NETO1: variants seen among roughly 807,000 people sequenced by gnomAD.
The protein encoded by NETO1 is neuropilin and tolloid-like protein 1.
A neutral mutation model predicts 61.3 loss-of-function variants in NETO1; 26 were observed. That is an observed-to-expected ratio of 0.42 (90% CI 0.31 to 0.59). NETO1 has a LOEUF of 0.59. Ranked by LOEUF, NETO1 falls within the 20% of genes least tolerant of loss-of-function variation. The pLI, the probability that NETO1 is intolerant of heterozygous loss-of-function variation, is 0.12. For synonymous variants in NETO1, 225 were observed against 225.8 expected, an observed-to-expected ratio of 1.00 and a Z score of 0.03; for missense variants, 531 against 662.8, an observed-to-expected ratio of 0.80 and a Z score of 2.18.
In NETO1 at chr18:72,744,434, T is replaced by G. The variant is rs2070389608; in HGVS notation, c.*3745A>C. On this transcript the variant is annotated 3_prime_UTR_variant, in exon 11 of 11. Coordinates refer to ENST00000327305, the MANE Select transcript of NETO1 (RefSeq NM_138966.5). ...TTAAGATGGGCTTGGGAAATATTAA[T>G]TAAGTGCATAGAGATTGATAATTAA... The G allele has an allele frequency of 6.6e-6, 1 of 152,188 alleles. No individual in the cohort carries two copies. Among genetic ancestry groups the G allele is most frequent in the Non-Finnish European group, 1.5e-5 (1 of 68,022 alleles). 9.4% of individuals were successfully genotyped at this position (152,188 alleles called of 1,614,324 possible). A position where few individuals can be genotyped will look rare whatever the true frequency, so the allele number is the denominator to read the frequency against.
intron 4 of NETO1, among the ~76,000 whole-genome samples, chr18:72,807,839 T>C (rs748149398): frequency 3.9e-5 from 6 of 152,120 alleles, no homozygotes; most frequent in Non-Finnish European, 7.4e-5. Context: ...TGTTGTATGT[T>C]GCTGTTGCTG....
intron 4 of NETO1, among the ~76,000 whole-genome samples, chr18:72,824,896 TA>T (rs1416941320): frequency 6.6e-6 from 1 of 151,736 alleles, no homozygotes; most frequent in South Asian, 2.1e-4. Context: ...CAAAAAATAA[TA>T]AAAATTTAAA....
chr18:72,820,472 T>A (rs2145289164), intron 4 of NETO1, among the ~76,000 whole-genome samples: 1 of 152,358 alleles, frequency 6.6e-6, no homozygotes. Context: ...TCCACCCCAT[T>A]CAATCTCCTG....
Position 72,783,830 on chromosome 18 carries a change from C to G in NETO1, c.716G>C (p.Gly239Ala). The G allele has an allele frequency of 2.5e-6, 4 of 1,614,156 alleles. No homozygotes were observed. The highest frequency in any genetic ancestry group is 3.4e-6 in the Non-Finnish European group (4 of 1,180,014). ...TTTCAAATCCTCCACGGAACTGCTT[C>G]CATCATACACAGCCACAAAATTCCT... ...CKRNFVAVYD[G>A]SSSVEDLKAK... The change falls in exon 7 of 11, where the codon GGA becomes GCA. Residue 239 changes from glycine to alanine, a missense_variant. By Grantham distance (60) the Gly-to-Ala change is moderately conservative. Transcript: ENST00000327305.
At chr18:72,805,841 A>ATT (rs945422036) in intron 4 of NETO1, among the ~76,000 whole-genome samples, 1 of 151,476 alleles carries the variant, frequency 6.6e-6, no homozygotes, top group Non-Finnish European at 1.5e-5. Context: ...ATAAAATACA[A>ATT]TTTTTTTTTG....
At chr18:72,819,030 C>T (rs969454546) in intron 4 of NETO1, among the ~76,000 whole-genome samples, 2 of 152,234 alleles carry the variant, frequency 1.3e-5, no homozygotes, top group South Asian at 2.1e-4. Context: ...CTCTATAGAG[C>T]TGTCCTTTAT....
At chr18:72,775,840 T>C (rs2071528773) in intron 7 of NETO1, among the ~76,000 whole-genome samples, 1 of 152,078 alleles carries the variant, frequency 6.6e-6, no homozygotes, top group Non-Finnish European at 1.5e-5. Flanking sequence ...GTCAATTAAC[T>C]TCAATGAACC....
At chr18:72,789,902 C>A (rs937639757) in intron 6 of NETO1, among the ~76,000 whole-genome samples, 2 of 152,166 alleles carry the variant, frequency 1.3e-5, no homozygotes, top group African/African-American at 2.4e-5. Context: ...TGACTGGTAA[C>A]CTTAATCACA....
At chr18:72,777,738 A>G (rs1473064044) in intron 7 of NETO1, among the ~76,000 whole-genome samples, 1 of 152,188 alleles carries the variant, frequency 6.6e-6, no homozygotes, top group Non-Finnish European at 1.5e-5. Context: ...ACGAGACTCC[A>G]TCTCAAATAA....
chr18:72,865,383 G>A, intron 1 of NETO1, 142 bp from the exon 2 acceptor site: 1 of 1,124,656 alleles, frequency 8.9e-7, no homozygotes, highest in Non-Finnish European at 1.3e-6. Context: ...TTCAGAACTT[G>A]CAAAAACCAA....
At position 72,751,076 on chromosome 18, in the gene NETO1, C is replaced by CACACAA. The variant is rs770327024; in HGVS notation, c.983-457_983-456insTTGTGT. On this transcript the variant is annotated intron_variant, in intron 8 of 10. Transcript: ENST00000327305. ...ACACACACACACACACACACACACA[C>CACACAA]AATCTATCTATAAAGTAACAACAAT... 2.5e-3 allele frequency among the ~76,000 whole-genome samples: 380 copies of CACACAA among 151,886 alleles called. 1 individual carries two copies. Among genetic ancestry groups the CACACAA allele is most frequent in the African/African-American group, 7.8e-3 (325 of 41,436 alleles).
chr18:72,749,126 T>C, intron 9 of NETO1, 38 bp from the exon 10 acceptor site: 1 of 1,203,116 alleles, frequency 8.3e-7, no homozygotes, highest in Non-Finnish European at 1.2e-6. Flanking sequence ...CAAAGTACTA[T>C]TTGCACAAAA....
At chr18:72,796,319 A>G (rs939136657) in intron 4 of NETO1, among the ~76,000 whole-genome samples, 1 of 152,140 alleles carries the variant, frequency 6.6e-6, no homozygotes, top group Admixed American at 6.5e-5. Flanking sequence ...TGCTTTGTCA[A>G]ACAGTTATGT....
At chr18:72,867,237 C>T (rs761446055) in intron 1 of NETO1, 27 bp downstream of exon 1, 4 of 1,537,434 alleles carry the variant, frequency 2.6e-6, no homozygotes, top group South Asian at 2.5e-5. Flanking sequence ...TCCGGGAGCG[C>T]ACGGGCGCGG....
At chr18:72,803,516 G>A (rs1046822886) in intron 4 of NETO1, among the ~76,000 whole-genome samples, 29 of 152,142 alleles carry the variant, frequency 1.9e-4, no homozygotes, top group Non-Finnish European at 3.5e-4. Flanking sequence ...ACCCCTCCCT[G>A]AAAAGGCTCT....
chr18:72,789,807 A>G (rs2072053037), intron 6 of NETO1, among the ~76,000 whole-genome samples: 1 of 152,104 alleles, frequency 6.6e-6, no homozygotes, highest in Non-Finnish European at 1.5e-5. Flanking sequence ...TTCATGTCTA[A>G]AGAATCTGCT....
At chr18:72,849,999 G>A (rs539736997) in intron 4 of NETO1, among the ~76,000 whole-genome samples, 1 of 152,264 alleles carries the variant, frequency 6.6e-6, no homozygotes, top group East Asian at 1.9e-4. Flanking sequence ...ATTACACTGG[G>A]TCCTCCCAGA....
At position 72,791,825 on chromosome 18, in the gene NETO1, G is replaced by T. The variant is rs17086310; in HGVS notation, c.639+2292C>A. 3.6e-3 allele frequency among the ~76,000 whole-genome samples: 545 copies of T among 152,188 alleles called. 12 individuals are homozygous for T. In the South Asian group the frequency reaches 0.054, roughly 15 times the overall value. On this transcript the variant is annotated intron_variant, in intron 6 of 10. Transcript: ENST00000327305. Reference sequence around the variant, plus strand: ...CCTTGCATGTGAATCCACACCTTACGAAAACAGCATAATAAACTGCAACCT... The same window carrying T: ...CCTTGCATGTGAATCCACACCTTACTAAAACAGCATAATAAACTGCAACCT...
chr18:72,848,081 T>C (rs938473982), intron 4 of NETO1, among the ~76,000 whole-genome samples: 8 of 152,188 alleles, frequency 5.3e-5, no homozygotes, highest in African/African-American at 1.7e-4. Context: ...CTGTTCCATA[T>C]TGAAGGCTGC....
Sources: allele counts gnomAD v4.1 joint callset (sites outside exome capture counted in the v4.1 genomes callset), GRCh38; gene constraint gnomAD v4.1.1; transcripts MANE v1.5; gene names NCBI Gene and HGNC (gene_info 2026-07-23, HGNC 2026-07-21).